The following GPATCH2L variants were observed in gnomAD, a reference collection of about 807,000 sequenced individuals.
GPATCH2L encodes the protein G patch domain-containing protein 2-like.
Under a neutral mutation model 57.4 loss-of-function variants are expected in GPATCH2L, and 31 were observed. The ratio of observed to expected loss-of-function variants is 0.54; its 90% confidence interval spans 0.41 to 0.73. The LOEUF (loss-of-function observed/expected upper bound fraction) is 0.73. Among genes scored for constraint, GPATCH2L ranks in the 30% least tolerant of loss-of-function variants. The pLI is 0.00. For missense variants in GPATCH2L, 481 were observed against 599.9 expected, an observed-to-expected ratio of 0.80 and a Z score of 2.07; for synonymous variants, 199 against 210.7, an observed-to-expected ratio of 0.94 and a Z score of 0.48.
Position 76,180,770 on chromosome 14 carries a change from C to T in GPATCH2L, c.1114C>T (p.Pro372Ser), listed in dbSNP as rs374436327. The T allele has an allele frequency of 2.4e-5, 38 of 1,608,154 alleles. 1 individual carries two copies. In the African/African-American group the frequency reaches 3.9e-4, roughly 16 times the overall value. The change falls in exon 8 of 10, where the codon CCC (proline) becomes TCC (serine). Residue 372 changes from proline to serine, a missense_variant. Physicochemically the swap from Pro to Ser is moderately conservative, Grantham distance 74 (BLOSUM62 -1). Transcript: ENST00000261530. ...HISACAHEFNPLSPLYSLDVL... is the reference protein window; with the variant it reads ...HISACAHEFNSLSPLYSLDVL... ...GTCTTATTCATTCCTGCAGTTCAAT[C>T]CCCTGTCTCCCCTTTACTCCCTGGA...
At chr14:76,156,430 A>G (rs2038309423) in intron 2 of GPATCH2L, among the ~76,000 whole-genome samples, 1 of 152,242 alleles carries the variant, frequency 6.6e-6, no homozygotes, top group African/African-American at 2.4e-5. Flanking sequence ...TCTGCAGACT[A>G]TATTGAGATA....
chr14:76,175,967 G>T (rs1386519532), intron 5 of GPATCH2L: 1 of 152,144 alleles, frequency 6.6e-6, no homozygotes, highest in Non-Finnish European at 1.5e-5. Context: ...CAATTTTTTG[G>T]AAATGGTTCG....
intron 1 of GPATCH2L, chr14:76,152,535 G>A (rs934475254): frequency 5.1e-6 from 2 of 395,260 alleles, no homozygotes; most frequent in African/African-American, 4.2e-5. Flanking sequence ...CTGTCCACCA[G>A]CTACCCGTTC....
chr14:76,178,166 T>A, intron 7 of GPATCH2L, 124 bp downstream of exon 7: 1 of 1,323,446 alleles, frequency 7.6e-7, no homozygotes, highest in Non-Finnish European at 1.1e-6. Context: ...ATCATTAGTT[T>A]CTTGTAGCAT....
chr14:76,168,574 A>G (rs1252039566), intron 3 of GPATCH2L, among the ~76,000 whole-genome samples: 1 of 152,178 alleles, frequency 6.6e-6, no homozygotes, highest in African/African-American at 2.4e-5. Context: ...TGGAGGAGCA[A>G]TGATGATAGG....
chr14:76,152,677 G>C (rs1371624025), intron 1 of GPATCH2L: 3 of 455,980 alleles, frequency 6.6e-6, no homozygotes, highest in African/African-American at 6.0e-5. Context: ...GGAATTACAG[G>C]CTTTGAGGCA....
rs2040421320 is a variant in GPATCH2L, at chr14:76,209,922, A to C, written c.*8071A>C. The C allele has an allele frequency of 6.6e-6, 1 of 152,326 alleles. No homozygotes were observed. Among genetic ancestry groups the C allele is most frequent in the East Asian group, 1.9e-4 (1 of 5,174 alleles). The allele number at this position is 152,326 out of a possible 1,614,324, so 9.4% of individuals were successfully genotyped here. A position where few individuals can be genotyped will look rare whatever the true frequency, so the allele number is the denominator to read the frequency against. ...GTTATCTGGAAAGTTGAGCTTCCTCACACATGGGAAGGTACTTCAGATGCT... is the reference window on the plus strand; with the variant it reads ...GTTATCTGGAAAGTTGAGCTTCCTCCCACATGGGAAGGTACTTCAGATGCT... On this transcript the variant is annotated 3_prime_UTR_variant, in exon 10 of 10. Transcript: ENST00000261530.
intron 2 of GPATCH2L, among the ~76,000 whole-genome samples, chr14:76,232,008 C>CAGCCTCACTGCAGCCTCACTGCAGGT (rs1566830285): frequency 6.6e-6 from 1 of 152,032 alleles, no homozygotes; most frequent in African/African-American, 2.4e-5. Flanking sequence ...TCACTGCAGG[C>CAGCCTCACTGCAGCCTCACTGCAGGT]TCAAGCAATC....
chr14:76,154,265 A>G lies in GPATCH2L; in HGVS notation c.-10-89A>G, dbSNP rs2038188684. The stretch of plus-strand genomic sequence containing the variant: ...TGGACTACCATGATCTGTTTCATCA[A>G]ATTATTCCAAAACAACAGATCCTTT... On this transcript the variant is annotated intron_variant, in intron 1 of 9. Transcript: ENST00000261530. This position sits in a 1 kb window ranked among gnomAD's most constrained non-coding sequence, Gnocchi z 4.4. 17 of 1,140,750 alleles carry G rather than the reference A, an allele frequency of 1.5e-5. No individual in the cohort carries two copies. The South Asian group carries it at 1.8e-4, about 12-fold the overall frequency. The allele number at this position is 1,140,750 out of a possible 1,614,324, so 70.7% of individuals were successfully genotyped here. A position where few individuals can be genotyped will look rare whatever the true frequency, so the allele number is the denominator to read the frequency against.
intron 7 of GPATCH2L, chr14:76,178,510 A>G (rs1340639711): frequency 4.0e-5 from 9 of 224,006 alleles, no homozygotes; most frequent in Non-Finnish European, 8.1e-5. Context: ...TGTTGTTATT[A>G]CATTGTAATA....
intron 8 of GPATCH2L, among the ~76,000 whole-genome samples, chr14:76,192,638 T>G (rs1320128349): frequency 6.6e-6 from 1 of 152,172 alleles, no homozygotes; most frequent in Non-Finnish European, 1.5e-5. Flanking sequence ...GCAGAGATTG[T>G]CTCTTGTTTA....
Position 76,226,637 on chromosome 14 carries a change from A to G in GPATCH2L, c.66-3171A>G, listed in dbSNP as rs567823622. 3.9e-5 allele frequency among the ~76,000 whole-genome samples: 6 copies of G among 152,298 alleles called. No homozygotes were observed. In the East Asian group the frequency reaches 1.2e-3, roughly 29 times the overall value. On this transcript the variant is annotated intron_variant and NMD_transcript_variant, in intron 1 of 3. Transcript: ENST00000556372. Reference sequence around the variant, plus strand: ...GTGTTTAGGTCATGAAGGCTTATGAATGAATTAATGACGCTATAAAAAGGG... The same window carrying G: ...GTGTTTAGGTCATGAAGGCTTATGAGTGAATTAATGACGCTATAAAAAGGG...
intron 8 of GPATCH2L, among the ~76,000 whole-genome samples, chr14:76,195,279 G>A (rs535186693): frequency 1.4e-4 from 22 of 152,106 alleles, no homozygotes; most frequent in Non-Finnish European, 2.9e-4. Flanking sequence ...TCACAGAATC[G>A]TTTGCTTTTA....
chr14:76,221,044 A>T (rs556766830), intron 1 of GPATCH2L, among the ~76,000 whole-genome samples: 35 of 140,046 alleles, frequency 2.5e-4, no homozygotes, highest in African/African-American at 7.6e-4. Flanking sequence ...AGACTGATTT[A>T]AAAAAAAAAA....
intron 2 of GPATCH2L, among the ~76,000 whole-genome samples, chr14:76,155,320 A>G (rs1224369222): frequency 6.6e-6 from 1 of 152,244 alleles, no homozygotes; most frequent in Non-Finnish European, 1.5e-5. Flanking sequence ...GCTGCTTATT[A>G]TGCCATACAG....
intron 8 of GPATCH2L, among the ~76,000 whole-genome samples, chr14:76,193,924 A>T (rs2040065015): frequency 6.6e-6 from 1 of 152,150 alleles, no homozygotes; most frequent in Non-Finnish European, 1.5e-5. Flanking sequence ...GAGTGCTTGG[A>T]TAGTCTCAGT....
chr14:76,220,851 T>G (rs144201295), intron 1 of GPATCH2L, among the ~76,000 whole-genome samples: 2 of 152,104 alleles, frequency 1.3e-5, no homozygotes, highest in East Asian at 1.9e-4. Flanking sequence ...AGTTCAAAAA[T>G]AAATTGCAGT....
At position 76,203,879 on chromosome 14, in the gene GPATCH2L, A is replaced by G. The variant is rs1265247122; in HGVS notation, c.*2028A>G. ...TAATTTTTTGTTTGTGTCAAGCTCT[A>G]TGACTCATGCAGTGATTGGTCCCAT... On this transcript the variant is annotated 3_prime_UTR_variant, in exon 10 of 10. Transcript: ENST00000261530. 2 of 152,156 alleles carry G rather than the reference A, an allele frequency of 1.3e-5. No homozygotes were observed. Among genetic ancestry groups the G allele is most frequent in the African/African-American group, 2.4e-5 (1 of 41,448 alleles). The allele number at this position is 152,156 out of a possible 1,614,324, so 9.4% of individuals were successfully genotyped here. A position where few individuals can be genotyped will look rare whatever the true frequency, so the allele number is the denominator to read the frequency against.
intron 2 of GPATCH2L, among the ~76,000 whole-genome samples, chr14:76,156,976 T>C (rs749077694): frequency 2.6e-5 from 4 of 152,238 alleles, no homozygotes; most frequent in Admixed American, 2.0e-4. Context: ...ATGGGAATTC[T>C]TATGAAATTC....
Sources: allele counts gnomAD v4.1 joint callset (sites outside exome capture counted in the v4.1 genomes callset), GRCh38; gene constraint gnomAD v4.1.1; non-coding constraint Gnocchi (gnomAD v3.1); transcripts MANE v1.5; gene names NCBI Gene and HGNC (gene_info 2026-07-23, HGNC 2026-07-21).